TENT4B: variants seen among roughly 807,000 people sequenced by gnomAD.
TENT4B encodes the protein PAP associated domain containing 5.
TENT4B carries 10 observed loss-of-function variants against 75.0 expected under a neutral mutation model. That is an observed-to-expected ratio of 0.13 (90% CI 0.08 to 0.23). TENT4B has a LOEUF of 0.23. Ranked by LOEUF, TENT4B falls within the 10% of genes least tolerant of loss-of-function variation. The probability of loss-of-function intolerance (pLI) is 1.00; values close to 1 mark genes in which losing one functional copy is unlikely to be tolerated. For missense variants in TENT4B, 579 were observed against 893.8 expected, an observed-to-expected ratio of 0.65 and a Z score of 4.49; for synonymous variants, 350 against 357.7, an observed-to-expected ratio of 0.98 and a Z score of 0.24.
In TENT4B at chr16:50,229,957, A is replaced by G; in HGVS notation, c.*629A>G. On this transcript the variant is annotated 3_prime_UTR_variant, in exon 12 of 12. Transcript: ENST00000561678. ...AGGATTAGTTTGAAAAATAATCTAA[A>G]TTGTCATCTTAACATCCATATATAG... is the stretch of plus-strand genomic sequence containing the variant. 3.2e-6 allele frequency: 3 copies of G among 946,216 alleles called. No homozygotes were observed. Among genetic ancestry groups the G allele is most frequent in the Non-Finnish European group, 3.8e-6 (3 of 794,040 alleles). 58.6% of individuals were successfully genotyped at this position (946,216 alleles called of 1,614,324 possible).
chr16:50,224,450 C>T (rs1283225296), intron 7 of TENT4B, among the ~76,000 whole-genome samples: 3 of 152,034 alleles, frequency 2.0e-5, no homozygotes, highest in African/African-American at 4.8e-5. Context: ...GAATACATTC[C>T]GGCAACTGAT....
At chr16:50,156,652 C>T (rs564958160) in intron 1 of TENT4B, among the ~76,000 whole-genome samples, 29 of 151,360 alleles carry the variant, frequency 1.9e-4, no homozygotes, top group Admixed American at 6.6e-5. Flanking sequence ...CCTCATTATC[C>T]TGATTTCTTT....
chr16:50,220,996 G>A (rs2150744527), intron 5 of TENT4B, among the ~76,000 whole-genome samples: 1 of 152,076 alleles, frequency 6.6e-6, no homozygotes, highest in East Asian at 1.9e-4. Flanking sequence ...AAAAAAAATG[G>A]AAATCACCGG....
chr16:50,212,809 G>A (rs1387302861), intron 2 of TENT4B, among the ~76,000 whole-genome samples: 1 of 152,162 alleles, frequency 6.6e-6, no homozygotes, highest in African/African-American at 2.4e-5. Flanking sequence ...GGCCATGGAT[G>A]CCATCAGCCA....
intron 6 of TENT4B, 96 bp from the exon 7 acceptor site, chr16:50,223,075 TATA>T: frequency 9.5e-7 from 1 of 1,049,270 alleles, no homozygotes; most frequent in Non-Finnish European, 1.4e-6. Flanking sequence ...AAACCAAAAT[TATA>T]ATAATATTGC....
In TENT4B at chr16:50,217,581, C is replaced by G. The variant is rs1325283280; in HGVS notation, c.956C>G (p.Ser319Cys). 9 of 1,520,428 alleles carry G rather than the reference C, an allele frequency of 5.9e-6. No homozygotes were observed. The highest frequency in any genetic ancestry group is 1.3e-5 in the South Asian group (1 of 78,750). The allele number at this position is 1,520,428 out of a possible 1,614,324, so 94.2% of individuals were successfully genotyped here. A position where few individuals can be genotyped will look rare whatever the true frequency, so the allele number is the denominator to read the frequency against. Residue 319 changes from serine to cysteine, a missense_variant, in exon 5 of 12, where the codon TCT becomes TGT. By Grantham distance (112) the Ser-to-Cys change is moderately radical. This residue lies in a region of TENT4B where 55 missense variants were observed against 77.1 expected (regional missense o/e 0.71). Coordinates refer to ENST00000561678, the MANE Select transcript of TENT4B (RefSeq NM_001365324.3). ...GTACCTATTATTAAATTAACAGATT[C>G]TTTTACTGAAGTGAAAGTTGATATC... ...ATVPIIKLTDSFTEVKVDISF... is the reference protein window; with the variant it reads ...ATVPIIKLTDCFTEVKVDISF...
chr16:50,232,496 C>A lies in TENT4B; in HGVS notation c.*3168C>A, dbSNP rs2032326820. 11 of 985,246 alleles carry A rather than the reference C, an allele frequency of 1.1e-5. No homozygotes were observed. The highest frequency in any genetic ancestry group is 1.3e-5 in the Non-Finnish European group (11 of 829,920). 61.0% of individuals were successfully genotyped at this position (985,246 alleles called of 1,614,324 possible). On this transcript the variant is annotated 3_prime_UTR_variant, in exon 12 of 12. Transcript: ENST00000561678. The stretch of plus-strand genomic sequence containing the variant: ...TTTTAATTGTCTTTTTCTGCTGGAA[C>A]CTTATATCTCTCCATGTGTTTTCTG...
Position 50,233,685 on chromosome 16 carries a change from G to GT in TENT4B, c.*4364dup, listed in dbSNP as rs1567519591. On this transcript the variant is annotated 3_prime_UTR_variant, in exon 12 of 12. Transcript: ENST00000561678. ...TATTTTACTGTCTCTCAGGTTTTTG[G>GT]TTTTTTTAAAAAAAATGTGTTTGGC... 8.2e-5 allele frequency: 77 copies of GT among 937,468 alleles called. No homozygotes were observed. The highest frequency in any genetic ancestry group is 9.3e-5 in the Non-Finnish European group (75 of 804,058). The allele number at this position is 937,468 out of a possible 1,614,324, so 58.1% of individuals were successfully genotyped here.
At chr16:50,204,531 A>G (rs2030839434) in intron 1 of TENT4B, among the ~76,000 whole-genome samples, 1 of 152,076 alleles carries the variant, frequency 6.6e-6, no homozygotes, top group African/African-American at 2.4e-5. Context: ...GGTAGCTGCA[A>G]GTATAGGAGG....
chr16:50,227,807 T>A (rs1315198717), intron 10 of TENT4B, 32 bp from the exon 11 acceptor site: 2 of 1,601,676 alleles, frequency 1.2e-6, no homozygotes, highest in Admixed American at 1.7e-5. Flanking sequence ...ATTACTAATA[T>A]GTCACATTAT....
At chr16:50,208,820 C>T (rs2031124020) in intron 1 of TENT4B, among the ~76,000 whole-genome samples, 1 of 152,096 alleles carries the variant, frequency 6.6e-6, no homozygotes, top group African/African-American at 2.4e-5. Context: ...GCAGCCTCCA[C>T]CTCCCAAGTT....
At position 50,166,175 on chromosome 16, in the gene TENT4B, C is replaced by T. The variant is rs140669575; in HGVS notation, c.638+11916C>T. On this transcript the variant is annotated intron_variant, in intron 1 of 11. Coordinates refer to ENST00000561678, the MANE Select transcript of TENT4B (RefSeq NM_001365324.3). ...TTGGCTCACTGCAACCTCCACCTCC[C>T]AGGTTCAAGCAATTCTTGTATCTCT... Among the ~76,000 whole-genome samples, 120 of 151,674 alleles carry T rather than the reference C, an allele frequency of 7.9e-4. 1 individual carries two copies. In the East Asian group the frequency reaches 0.012, roughly 15 times the overall value.
Position 50,229,608 on chromosome 16 carries a change from T to G in TENT4B, c.*280T>G. On this transcript the variant is annotated 3_prime_UTR_variant, in exon 12 of 12. Coordinates refer to ENST00000561678, the MANE Select transcript of TENT4B (RefSeq NM_001365324.3). ...CAGGGTCATTTTAAGATTTAAAGCTTGAATGTAAAATAAATATATTTCTCA... is the reference window on the plus strand; with the variant it reads ...CAGGGTCATTTTAAGATTTAAAGCTGGAATGTAAAATAAATATATTTCTCA... 8.9e-7 allele frequency: 1 copy of G among 1,129,612 alleles called. No homozygotes were observed. The highest frequency in any genetic ancestry group is 3.9e-5 in the South Asian group (1 of 25,612). The allele number at this position is 1,129,612 out of a possible 1,614,324, so 70.0% of individuals were successfully genotyped here. A position where few individuals can be genotyped will look rare whatever the true frequency, so the allele number is the denominator to read the frequency against.
chr16:50,207,498 C>A (rs1350727146), intron 1 of TENT4B, among the ~76,000 whole-genome samples: 1 of 152,124 alleles, frequency 6.6e-6, no homozygotes, highest in Non-Finnish European at 1.5e-5. Flanking sequence ...TTCCTTTTAA[C>A]ATAAAAACAT....
At chr16:50,180,124 G>A (rs2038384862) in intron 1 of TENT4B, among the ~76,000 whole-genome samples, 1 of 144,040 alleles carries the variant, frequency 6.9e-6, no homozygotes, top group African/African-American at 2.5e-5. Context: ...TTTTTTTTGA[G>A]ATGGCGTCTC....
chr16:50,235,164 A>C lies in TENT4B; in HGVS notation c.*5836A>C. On this transcript the variant is annotated 3_prime_UTR_variant, in exon 12 of 12. Coordinates refer to ENST00000561678, the MANE Select transcript of TENT4B (RefSeq NM_001365324.3). The stretch of plus-strand genomic sequence containing the variant: ...ACCTGGAAGATTTTTTAAGCTAATG[A>C]CAGTTTCTTCAAAGATGTCAATTAT... 2.1e-6 allele frequency: 1 copy of C among 469,828 alleles called. No homozygotes were observed. Among genetic ancestry groups the C allele is most frequent in the Non-Finnish European group, 2.8e-6 (1 of 358,664 alleles). 29.1% of individuals were successfully genotyped at this position (469,828 alleles called of 1,614,324 possible).
In TENT4B at chr16:50,231,918, T is replaced by G. The variant is rs369286522; in HGVS notation, c.*2590T>G. The G allele has an allele frequency of 3.1e-6, 3 of 978,032 alleles. No individual in the cohort carries two copies. The highest frequency in any genetic ancestry group is 9.5e-5 in the South Asian group (2 of 21,126). 60.6% of individuals were successfully genotyped at this position (978,032 alleles called of 1,614,324 possible). A position where few individuals can be genotyped will look rare whatever the true frequency, so the allele number is the denominator to read the frequency against. On this transcript the variant is annotated 3_prime_UTR_variant, in exon 12 of 12. Transcript: ENST00000561678. ...GAGTTTTAATACTTCCTATATTTTG[T>G]GAATATATCAGAAATGTGTCATTTA...
chr16:50,165,219 T>C (rs192700203), intron 1 of TENT4B, among the ~76,000 whole-genome samples: 401 of 152,224 alleles, frequency 2.6e-3, no homozygotes, highest in African/African-American at 9.3e-3. Flanking sequence ...TTTTTTTGGT[T>C]ATATTCCATT....
chr16:50,218,848 A>G lies in TENT4B; in HGVS notation c.1038+1185A>G, dbSNP rs1200494192. On this transcript the variant is annotated intron_variant, in intron 5 of 11. Coordinates refer to ENST00000561678, the MANE Select transcript of TENT4B (RefSeq NM_001365324.3). ...CACCATCATCTGTGGAACATTTTACATACTTAGGTAGTTGTCAGCTTTCTC... is the reference window on the plus strand; with the variant it reads ...CACCATCATCTGTGGAACATTTTACGTACTTAGGTAGTTGTCAGCTTTCTC... Among the ~76,000 whole-genome samples, 8 of 152,264 alleles carry G rather than the reference A, an allele frequency of 5.3e-5. No individual in the cohort carries two copies. The South Asian group carries it at 1.5e-3, about 28-fold the overall frequency.
Sources: gnomAD v4.1 joint callset for allele counts (sites outside exome capture counted in the v4.1 genomes callset) on GRCh38, gnomAD v4.1.1 for gene constraint, gnomAD v4.1.1 regional missense constraint, MANE v1.5 for transcripts, NCBI Gene and HGNC (gene_info 2026-07-23, HGNC 2026-07-21) for gene names.